DOCK4: variants seen among roughly 807,000 people sequenced by gnomAD.
DOCK4 encodes dedicator of cytokinesis protein 4.
DOCK4 carries 97 observed loss-of-function variants against 268.1 expected under a neutral mutation model. The ratio of observed to expected loss-of-function variants is 0.36; its 90% confidence interval spans 0.31 to 0.43. The LOEUF (loss-of-function observed/expected upper bound fraction) is 0.43, where lower values mean the gene tolerates loss of function less well. Ranked by LOEUF, DOCK4 falls within the 20% of genes least tolerant of loss-of-function variation. DOCK4 has a pLI of 1.00. For missense variants in DOCK4, 2,145 were observed against 2,455.7 expected (o/e 0.87, Z 2.67); for synonymous variants, 954 against 887.2 (o/e 1.08, Z -1.34).
At chr7:111,849,027 C>T (rs1399779255) in intron 23 of DOCK4, among the ~76,000 whole-genome samples, 2 of 152,218 alleles carry the variant, frequency 1.3e-5, no homozygotes, top group Admixed American at 6.5e-5. Flanking sequence ...ACCCAGAAGA[C>T]TTTGTAACCG....
intron 1 of DOCK4, among the ~76,000 whole-genome samples, chr7:112,122,302 A>C (rs889909956): frequency 3.3e-5 from 5 of 151,928 alleles, no homozygotes; most frequent in African/African-American, 1.2e-4. Context: ...CAAAACTGAA[A>C]CTCTATACCC....
chr7:111,814,294 T>C (rs1801378694), intron 27 of DOCK4, among the ~76,000 whole-genome samples: 1 of 152,194 alleles, frequency 6.6e-6, no homozygotes, highest in Non-Finnish European at 1.5e-5. Context: ...ATGGAATCTC[T>C]GTGGCCTTAC....
At chr7:112,074,002 C>A (rs936121027) in intron 1 of DOCK4, among the ~76,000 whole-genome samples, 1 of 151,864 alleles carries the variant, frequency 6.6e-6, no homozygotes, top group Non-Finnish European at 1.5e-5. Context: ...ACTCTGTATC[C>A]CATAAATTTG....
chr7:111,885,465 G>T (rs1042480933), intron 16 of DOCK4, among the ~76,000 whole-genome samples: 1 of 152,182 alleles, frequency 6.6e-6, no homozygotes, highest in Non-Finnish European at 1.5e-5. Flanking sequence ...CTCTACTAGA[G>T]AACTCGTTTT....
intron 44 of DOCK4, among the ~76,000 whole-genome samples, chr7:111,742,923 T>G (rs1585847511): frequency 6.6e-6 from 1 of 150,470 alleles, no homozygotes; most frequent in East Asian, 2.0e-4. Context: ...ATCCGGGAGG[T>G]GGAGGTTGTA....
chr7:111,808,783 G>A, intron 30 of DOCK4, 38 bp downstream of exon 30: 4 of 1,598,186 alleles, frequency 2.5e-6, no homozygotes, highest in Non-Finnish European at 3.4e-6. Context: ...ACAGCGAGGA[G>A]CTGTATAGTA....
At position 111,728,346 on chromosome 7, in the gene DOCK4, C is replaced by T; in HGVS notation, c.5856G>A (p.Leu1952=). ...PKPLAARSSH[L]ENGARRTDPG... Reference sequence around the variant, plus strand: ...GGTCAGTCCTCCGGGCCCCATTCTCCAGGTGGCTGGATCGCGCTGCCAGAG... The same window carrying T: ...GGTCAGTCCTCCGGGCCCCATTCTCTAGGTGGCTGGATCGCGCTGCCAGAG... Residue 1952 remains leucine, a synonymous_variant, in exon 53 of 53, where the codon CTG becomes CTA. Coordinates refer to ENST00000428084, the MANE Select transcript of DOCK4 (RefSeq NM_001363540.2). 6.6e-7 allele frequency: 1 copy of T among 1,521,314 alleles called. No homozygotes were observed. The highest frequency in any genetic ancestry group is 1.3e-5 in the South Asian group (1 of 75,608). The allele number at this position is 1,521,314 out of a possible 1,614,324, so 94.2% of individuals were successfully genotyped here. A position where few individuals can be genotyped will look rare whatever the true frequency, so the allele number is the denominator to read the frequency against.
At chr7:111,813,643 C>T (rs918562189) in intron 27 of DOCK4, among the ~76,000 whole-genome samples, 14 of 152,080 alleles carry the variant, frequency 9.2e-5, no homozygotes, top group African/African-American at 3.1e-4. Context: ...CCTATGAGAT[C>T]GAGAAGTCTT....
At chr7:111,860,497 C>T (rs10085411) in intron 23 of DOCK4, among the ~76,000 whole-genome samples, 16,082 of 152,272 alleles carry the variant, frequency 0.11, 1,092 homozygotes, top group African/African-American at 0.18. Flanking sequence ...AACATCTGCA[C>T]GTGCTAAGGA....
At chr7:112,042,356 A>G (rs1804457167) in intron 1 of DOCK4, among the ~76,000 whole-genome samples, 1 of 152,188 alleles carries the variant, frequency 6.6e-6, no homozygotes, top group South Asian at 2.1e-4. Flanking sequence ...TAAGGATAGG[A>G]AGATCATCTT....
At chr7:112,100,377 T>C (rs1457568812) in intron 1 of DOCK4, among the ~76,000 whole-genome samples, 1 of 152,224 alleles carries the variant, frequency 6.6e-6, no homozygotes, top group African/African-American at 2.4e-5. Flanking sequence ...CCATTCCCTT[T>C]GGGAAGAAGA....
intron 1 of DOCK4, among the ~76,000 whole-genome samples, chr7:112,070,698 A>C (rs1304294756): frequency 2.0e-5 from 3 of 152,186 alleles, no homozygotes; most frequent in Non-Finnish European, 2.9e-5. Context: ...AAAAACTATA[A>C]AATTAAAAAT....
At chr7:111,972,332 T>G (rs1797781889) in intron 8 of DOCK4, among the ~76,000 whole-genome samples, 1 of 151,522 alleles carries the variant, frequency 6.6e-6, no homozygotes, top group African/African-American at 2.4e-5. Context: ...ACTCTGCCTT[T>G]TGCCACTTAG....
chr7:111,768,958 T>C (rs1797943190), intron 37 of DOCK4, among the ~76,000 whole-genome samples: 1 of 152,160 alleles, frequency 6.6e-6, no homozygotes, highest in African/African-American at 2.4e-5. Context: ...GTCATGAGGG[T>C]AGAGCCCTCA....
chr7:112,180,719 C>T (rs983874729), intron 1 of DOCK4, among the ~76,000 whole-genome samples: 88 of 152,252 alleles, frequency 5.8e-4, no homozygotes, highest in African/African-American at 2.0e-3. Flanking sequence ...AGCTGGGGTC[C>T]CCACAGTGCC....
intron 27 of DOCK4, among the ~76,000 whole-genome samples, chr7:111,814,266 C>A (rs574194382): frequency 6.6e-6 from 1 of 152,292 alleles, no homozygotes; most frequent in African/African-American, 2.4e-5. Flanking sequence ...TTTTGAAGTA[C>A]ACTTGCTGGT....
chr7:112,170,219 G>A (rs970607064), intron 1 of DOCK4, among the ~76,000 whole-genome samples: 1 of 152,110 alleles, frequency 6.6e-6, no homozygotes, highest in Non-Finnish European at 1.5e-5. Flanking sequence ...GGGAGGCTAA[G>A]ACACAAGGAT....
intron 1 of DOCK4, among the ~76,000 whole-genome samples, chr7:112,076,440 T>G (rs1808075076): frequency 6.6e-6 from 1 of 152,066 alleles, no homozygotes; most frequent in Non-Finnish European, 1.5e-5. Context: ...TAAAAACAGA[T>G]GAGGAAAGCT....
intron 26 of DOCK4, among the ~76,000 whole-genome samples, chr7:111,828,888 G>A (rs1442520022): frequency 6.1e-4 from 88 of 143,272 alleles, no homozygotes; most frequent in Middle Eastern, 3.6e-3. Context: ...GTGTGTGTGT[G>A]TATATATATA....
Sources: gnomAD v4.1 joint callset for allele counts (sites outside exome capture counted in the v4.1 genomes callset) on GRCh38, gnomAD v4.1.1 for gene constraint, MANE v1.5 for transcripts, NCBI Gene and HGNC (gene_info 2026-07-23, HGNC 2026-07-21) for gene names.